The following XKR6 variants were observed in gnomAD, a reference collection of about 807,000 sequenced individuals.
XKR6 encodes the protein XK related 6.
A neutral mutation model predicts 56.7 loss-of-function variants in XKR6; 22 were observed. The observed-to-expected ratio is 0.39, with a 90% CI of 0.28 to 0.55. The LOEUF is 0.55. XKR6 is among the 20% of genes least tolerant of loss of function. The pLI, the probability that XKR6 is intolerant of heterozygous loss-of-function variation, is 0.66. For missense variants in XKR6, 852 were observed against 889.0 expected (o/e 0.96, Z 0.53); for synonymous variants, 524 against 387.8 (o/e 1.35, Z -4.13).
intron 1 of XKR6, among the ~76,000 whole-genome samples, chr8:10,990,232 C>A (rs903462340): frequency 3.9e-5 from 6 of 152,206 alleles, no homozygotes; most frequent in African/African-American, 1.2e-4. Flanking sequence ...CTAGTACAAA[C>A]GCGTCTCTAT....
chr8:11,021,255 T>C (rs1798743556), intron 1 of XKR6, among the ~76,000 whole-genome samples: 1 of 152,326 alleles, frequency 6.6e-6, no homozygotes, highest in South Asian at 2.1e-4. Context: ...TACAGAACCC[T>C]GTCTTCCCTC....
chr8:11,158,457 C>A (rs1489902247), intron 1 of XKR6, among the ~76,000 whole-genome samples: 4 of 152,190 alleles, frequency 2.6e-5, no homozygotes, highest in African/African-American at 9.7e-5. Flanking sequence ...AGAAATCAGA[C>A]AACCGGATTT....
At chr8:11,049,448 G>A (rs1303135735) in intron 1 of XKR6, among the ~76,000 whole-genome samples, 5 of 152,096 alleles carry the variant, frequency 3.3e-5, no homozygotes, top group South Asian at 2.1e-4. Context: ...TGCTCCCTGC[G>A]CCTCTCTGCA....
At chr8:10,946,656 T>A (rs1801552985) in intron 1 of XKR6, among the ~76,000 whole-genome samples, 2 of 151,736 alleles carry the variant, frequency 1.3e-5, no homozygotes, top group South Asian at 4.2e-4. Flanking sequence ...CCCCTCTCAG[T>A]CGTATTCAAG....
chr8:11,186,726 T>C (rs1208492342), intron 1 of XKR6, among the ~76,000 whole-genome samples: 1 of 152,178 alleles, frequency 6.6e-6, no homozygotes, highest in Non-Finnish European at 1.5e-5. Flanking sequence ...TATACTTTCT[T>C]TCCTTTCTCT....
chr8:11,086,712 C>G (rs1797904722), intron 1 of XKR6, among the ~76,000 whole-genome samples: 1 of 152,198 alleles, frequency 6.6e-6, no homozygotes, highest in Non-Finnish European at 1.5e-5. Context: ...TCTCCAGTGT[C>G]CCACTCTGAT....
chr8:10,914,542 G>A (rs1800500304), intron 2 of XKR6, among the ~76,000 whole-genome samples: 4 of 152,170 alleles, frequency 2.6e-5, no homozygotes. Flanking sequence ...ACAACTTACT[G>A]TGACTCCCCC....
chr8:11,200,495 G>T lies in XKR6; in HGVS notation c.764+81C>A. On this transcript the variant is annotated intron_variant, in intron 1 of 2. Transcript: ENST00000416569. The surrounding 1 kb of genome is among the most constrained non-coding windows in gnomAD (Gnocchi z 6.4). ...CGAGCCCCCCGCGCTGGGCCCTTTC[G>T]AGGGGCCGCCCCGCGAAGCACCGGG... 7.4e-7 allele frequency: 1 copy of T among 1,356,726 alleles called. No individual in the cohort carries two copies. Among genetic ancestry groups the T allele is most frequent in the Non-Finnish European group, 9.4e-7 (1 of 1,061,422 alleles). The allele number at this position is 1,356,726 out of a possible 1,614,324, so 84.0% of individuals were successfully genotyped here.
chr8:11,103,864 A>G (rs976061022), intron 1 of XKR6, among the ~76,000 whole-genome samples: 5 of 152,204 alleles, frequency 3.3e-5, no homozygotes, highest in African/African-American at 1.2e-4. Flanking sequence ...CAAAATTGGG[A>G]ATGTTCAAAA....
chr8:10,926,924 G>C (rs893973505), intron 1 of XKR6, among the ~76,000 whole-genome samples: 3 of 152,212 alleles, frequency 2.0e-5, no homozygotes, highest in African/African-American at 7.2e-5. Flanking sequence ...GAGAGACCCA[G>C]AGAGATAGAG....
rs1029478954 is a variant in XKR6 at position 10,924,235 on chromosome 8, A to G, written c.961+399T>C. On this transcript the variant is annotated intron_variant, in intron 2 of 2. Coordinates refer to ENST00000416569, the MANE Select transcript of XKR6 (RefSeq NM_173683.4). ...GGGTCTGAAACCATTAGTGCTGCCC[A>G]ATATGACGGCCCCTTGTGGTCCCAC... 4.7e-4 allele frequency among the ~76,000 whole-genome samples: 72 copies of G among 152,366 alleles called. 1 individual carries two copies. Among genetic ancestry groups the G allele is most frequent in the African/African-American group, 1.7e-3 (71 of 41,582 alleles).
chr8:11,167,743 G>C (rs142417772), intron 1 of XKR6, among the ~76,000 whole-genome samples: 3 of 152,218 alleles, frequency 2.0e-5, no homozygotes, highest in Non-Finnish European at 2.9e-5. Flanking sequence ...CCCCAGCAAA[G>C]AGCCAACCTG....
chr8:11,130,183 G>T (rs374784962), intron 1 of XKR6, among the ~76,000 whole-genome samples: 3 of 152,056 alleles, frequency 2.0e-5, no homozygotes, highest in African/African-American at 7.3e-5. Context: ...CTGGTTGTGT[G>T]TATGTGTGTA....
At chr8:10,937,728 G>A (rs1161451988) in intron 1 of XKR6, among the ~76,000 whole-genome samples, 12 of 148,866 alleles carry the variant, frequency 8.1e-5, no homozygotes, top group South Asian at 2.2e-4. Flanking sequence ...TCAGGGGTCA[G>A]GGACCCACTT....
At chr8:10,953,556 A>G (rs754387773) in intron 1 of XKR6, among the ~76,000 whole-genome samples, 1 of 152,198 alleles carries the variant, frequency 6.6e-6, no homozygotes, top group Non-Finnish European at 1.5e-5. Flanking sequence ...ATGACCTAAC[A>G]CAGACGGGGT....
At chr8:11,100,401 C>A (rs1798426322) in intron 1 of XKR6, among the ~76,000 whole-genome samples, 1 of 152,188 alleles carries the variant, frequency 6.6e-6, no homozygotes, top group African/African-American at 2.4e-5. Flanking sequence ...CTAATCCAAG[C>A]CTTCCACCTA....
At chr8:11,033,393 G>A (rs1799050470) in intron 1 of XKR6, among the ~76,000 whole-genome samples, 2 of 150,874 alleles carry the variant, frequency 1.3e-5, no homozygotes, top group African/African-American at 4.9e-5. Context: ...TGATGATGAT[G>A]ATGACGATAG....
chr8:11,021,805 C>T (rs1291582179), intron 1 of XKR6, among the ~76,000 whole-genome samples: 2 of 152,138 alleles, frequency 1.3e-5, no homozygotes, highest in Non-Finnish European at 2.9e-5. Context: ...CGTGATAAGA[C>T]ACAATCCCTG....
intron 1 of XKR6, among the ~76,000 whole-genome samples, chr8:11,048,794 T>C (rs1304564252): frequency 6.6e-6 from 1 of 152,136 alleles, no homozygotes; most frequent in Non-Finnish European, 1.5e-5. Flanking sequence ...TGCCCCTGGC[T>C]CTGCGTGGTT....
Sources: allele counts gnomAD v4.1 joint callset (sites outside exome capture counted in the v4.1 genomes callset), GRCh38; gene constraint gnomAD v4.1.1; non-coding constraint Gnocchi (gnomAD v3.1); transcripts MANE v1.5; gene names NCBI Gene and HGNC (gene_info 2026-07-23, HGNC 2026-07-21).